Variants in ENTREP2 observed in about 807,000 individuals in gnomAD.
ENTREP2 encodes endosomal transmembrane epsin interactor 2, also known as protein ENTREP2.
the ENTREP2 span, among the ~76,000 whole-genome samples, chr15:29,414,939 A>G: frequency 6.6e-6 from 1 of 152,330 alleles, no homozygotes; most frequent in South Asian, 2.1e-4. Context: ...CCCTCCCAAG[A>G]CTAAACCAGG....
chr15:29,549,627 G>C, the ENTREP2 span, among the ~76,000 whole-genome samples: 1 of 152,118 alleles, frequency 6.6e-6, no homozygotes, highest in Admixed American at 6.5e-5. Context: ...TGCTGTTGTT[G>C]GGGCAAAACT....
the ENTREP2 span, among the ~76,000 whole-genome samples, chr15:29,663,162 A>T: frequency 6.6e-6 from 1 of 152,106 alleles, no homozygotes; most frequent in Admixed American, 6.5e-5. Context: ...GTGCTTCACA[A>T]GGATATAGGG....
the ENTREP2 span, among the ~76,000 whole-genome samples, chr15:29,381,090 T>C: frequency 1.3e-5 from 2 of 148,536 alleles, no homozygotes; most frequent in African/African-American, 4.9e-5. Flanking sequence ...TGACTCATTA[T>C]CTGCCCGCCT....
the ENTREP2 span, among the ~76,000 whole-genome samples, chr15:29,549,275 A>ATT: frequency 0.05 from 7,359 of 148,436 alleles, 590 homozygotes; most frequent in African/African-American, 0.17. Flanking sequence ...TTTGTTATAC[A>ATT]TTTTTTTTTT....
At chr15:29,655,561 G>C in the ENTREP2 span, among the ~76,000 whole-genome samples, 1 of 152,160 alleles carries the variant, frequency 6.6e-6, no homozygotes, top group Non-Finnish European at 1.5e-5. Flanking sequence ...GCCAGACTTA[G>C]ATATCACTGG....
chr15:29,465,101 A>T, the ENTREP2 span, among the ~76,000 whole-genome samples: 1 of 152,058 alleles, frequency 6.6e-6, no homozygotes, highest in Non-Finnish European at 1.5e-5. Context: ...TGCCCAGGCC[A>T]TAGTGGAAAC....
chr15:29,235,988 A>C, the ENTREP2 span, among the ~76,000 whole-genome samples: 532 of 152,044 alleles, frequency 3.5e-3, 1 homozygote, highest in African/African-American at 0.012. Context: ...AAACAAAAAA[A>C]AACCCAAAGC....
chr15:29,441,796 G>A, the ENTREP2 span, among the ~76,000 whole-genome samples: 1 of 152,034 alleles, frequency 6.6e-6, no homozygotes, highest in South Asian at 2.1e-4. Flanking sequence ...ATTGTCATAT[G>A]GTGGAGTCCT....
chr15:29,450,667 A>T, the ENTREP2 span, among the ~76,000 whole-genome samples: 2 of 152,232 alleles, frequency 1.3e-5, no homozygotes, highest in Non-Finnish European at 2.9e-5. Context: ...ATGCATGCAT[A>T]TGCTCTCTGC....
At chr15:29,621,231 TA>T in the ENTREP2 span, among the ~76,000 whole-genome samples, 6 of 148,924 alleles carry the variant, frequency 4.0e-5, no homozygotes, top group African/African-American at 9.9e-5. Flanking sequence ...CTACTAAAAA[TA>T]AAAAAAATAG....
the ENTREP2 span, among the ~76,000 whole-genome samples, chr15:29,591,619 T>C: frequency 1.4e-4 from 22 of 151,970 alleles, no homozygotes; most frequent in African/African-American, 5.3e-4. Context: ...GAAGGCTGGG[T>C]GCGGTGGTTC....
chr15:29,588,593 A>G, the ENTREP2 span, among the ~76,000 whole-genome samples: 3 of 148,008 alleles, frequency 2.0e-5, no homozygotes, highest in East Asian at 6.1e-4. Flanking sequence ...GGGAGGGAGG[A>G]AGGAAGGAAG....
chr15:29,163,460 A>G, the ENTREP2 span, among the ~76,000 whole-genome samples: 3 of 152,030 alleles, frequency 2.0e-5, no homozygotes, highest in Admixed American at 2.0e-4. Flanking sequence ...TAGATAGCTT[A>G]AAGAAAAAAA....
At chr15:29,662,401 C>T in the ENTREP2 span, among the ~76,000 whole-genome samples, 4 of 151,834 alleles carry the variant, frequency 2.6e-5, no homozygotes, top group East Asian at 3.9e-4. Context: ...TTAAAAAATC[C>T]GATGTGAAGA....
chr15:29,430,858 G>A, the ENTREP2 span, among the ~76,000 whole-genome samples: 6 of 152,112 alleles, frequency 3.9e-5, no homozygotes, highest in Non-Finnish European at 7.4e-5. Context: ...AGGAGAGAGA[G>A]GCAGTGTCCA....
At chr15:29,150,996 T>TACCTTCCATA in the ENTREP2 span, among the ~76,000 whole-genome samples, 1 of 152,050 alleles carries the variant, frequency 6.6e-6, no homozygotes, top group Non-Finnish European at 1.5e-5. Flanking sequence ...GCATAGATAT[T>TACCTTCCATA]CCTACCCTTA....
the ENTREP2 span, among the ~76,000 whole-genome samples, chr15:29,233,392 A>G: frequency 6.6e-6 from 1 of 152,200 alleles, no homozygotes; most frequent in East Asian, 1.9e-4. Flanking sequence ...ATTCTGCATG[A>G]TTTTATGACA....
chr15:29,145,284 A>C, the ENTREP2 span, among the ~76,000 whole-genome samples: 1 of 152,194 alleles, frequency 6.6e-6, no homozygotes, highest in Non-Finnish European at 1.5e-5. Context: ...ATCTCAATAG[A>C]TGCAGAAAAA....
chr15:29,549,264 A>T, the ENTREP2 span, among the ~76,000 whole-genome samples: 1 of 140,832 alleles, frequency 7.1e-6, no homozygotes, highest in Non-Finnish European at 1.5e-5. Context: ...GCAAAACTAG[A>T]TTTGTTATAC....
Sources: gnomAD v4.1 joint callset for allele counts (sites outside exome capture counted in the v4.1 genomes callset) on GRCh38, gnomAD v4.1.1 for gene constraint, MANE v1.5 for transcripts, NCBI Gene and HGNC (gene_info 2026-07-23, HGNC 2026-07-21) for gene names.